Variants in CELF4 observed in about 807,000 individuals in gnomAD.
CELF4 encodes CUG-BP- and ETR-3-like factor 4.
Under a neutral mutation model 59.9 loss-of-function variants are expected in CELF4, and 18 were observed. The ratio of observed to expected loss-of-function variants is 0.30; its 90% CI spans 0.21 to 0.45. The LOEUF is 0.45. Among genes scored for constraint, CELF4 ranks in the 20% least tolerant of loss-of-function variants. The probability of loss-of-function intolerance (pLI) is 1.00; values close to 1 mark genes in which losing one functional copy is unlikely to be tolerated. For synonymous variants in CELF4, 261 were observed against 267.1 expected, an observed-to-expected ratio of 0.98 and a Z score of 0.22; for missense variants, 456 against 689.0, an observed-to-expected ratio of 0.66 and a Z score of 3.79.
intron 2 of CELF4, among the ~76,000 whole-genome samples, chr18:37,393,325 T>C (rs141052532): frequency 4.4e-4 from 67 of 152,310 alleles, no homozygotes; most frequent in African/African-American, 1.5e-3. Flanking sequence ...CTCAGAGCCA[T>C]GGAAACAGGG....
chr18:37,394,659 C>T (rs1214076808), intron 2 of CELF4, among the ~76,000 whole-genome samples: 1 of 152,206 alleles, frequency 6.6e-6, no homozygotes, highest in Non-Finnish European at 1.5e-5. Context: ...AGCCCCAGCA[C>T]CCCTCCACTC....
intron 1 of CELF4, among the ~76,000 whole-genome samples, chr18:37,547,421 C>A (rs896822327): frequency 2.0e-5 from 3 of 152,278 alleles, no homozygotes; most frequent in Admixed American, 6.5e-5. Context: ...GTTGCCACCC[C>A]CTGGAGGCTG....
At chr18:37,247,609 A>C (rs1179442073) in intron 12 of CELF4, 2 of 152,360 alleles carry the variant, frequency 1.3e-5, no homozygotes, top group Non-Finnish European at 2.9e-5. Flanking sequence ...GCAGACAAAC[A>C]TGGGCACATC....
chr18:37,275,317 G>A lies in CELF4; in HGVS notation c.449-74C>T, dbSNP rs889671324. On this transcript the variant is annotated intron_variant, in intron 3 of 12. Transcript: ENST00000420428. ...CGGGAGCAGGGCAAGGCCGGAGGGG[G>A]AGAGCGGCAGGGAAAGGGAGGAGCC... 8 of 1,487,478 alleles carry A rather than the reference G, an allele frequency of 5.4e-6. 1 individual carries two copies. The highest frequency in any genetic ancestry group is 4.3e-5 in the African/African-American group (3 of 70,132). The allele number at this position is 1,487,478 out of a possible 1,614,324, so 92.1% of individuals were successfully genotyped here.
rs754447395 is a variant in CELF4 at position 37,274,611 on chromosome 18, C to T, written c.658-157G>A. The T allele has an allele frequency of 2.0e-5, 31 of 1,523,350 alleles. 1 individual carries two copies. The East Asian group carries it at 4.3e-4, about 21-fold the overall frequency. The allele number at this position is 1,523,350 out of a possible 1,614,324, so 94.4% of individuals were successfully genotyped here. ...GGGGAATGAGGTGTGAACCCCACCGCGGGCATTTTCCACCTGGGTAACCTC... is the reference window on the plus strand; with the variant it reads ...GGGGAATGAGGTGTGAACCCCACCGTGGGCATTTTCCACCTGGGTAACCTC... On this transcript the variant is annotated intron_variant, in intron 5 of 12. Coordinates refer to ENST00000420428, the MANE Select transcript of CELF4 (RefSeq NM_020180.4).
chr18:37,446,747 C>A (rs1484812196), intron 2 of CELF4, among the ~76,000 whole-genome samples: 1 of 152,188 alleles, frequency 6.6e-6, no homozygotes, highest in Non-Finnish European at 1.5e-5. Context: ...CTCCCCTCAT[C>A]CCTCACTGTC....
intron 2 of CELF4, among the ~76,000 whole-genome samples, chr18:37,436,320 A>G (rs890986963): frequency 1.3e-5 from 2 of 152,220 alleles, no homozygotes; most frequent in Non-Finnish European, 2.9e-5. Context: ...CAGCATCTGC[A>G]GGCACACCGG....
chr18:37,558,708 C>A (rs1251235733), intron 1 of CELF4, among the ~76,000 whole-genome samples: 2 of 151,630 alleles, frequency 1.3e-5, no homozygotes, highest in Non-Finnish European at 2.9e-5. Context: ...TATAGAGAGC[C>A]CAAAAGGAGG....
intron 2 of CELF4, among the ~76,000 whole-genome samples, chr18:37,369,835 C>T (rs1251334647): frequency 6.6e-6 from 1 of 152,236 alleles, no homozygotes. Flanking sequence ...TGTGCCCAGC[C>T]AGCACAACAG....
chr18:37,265,775 C>T (rs1257893324), intron 9 of CELF4, among the ~76,000 whole-genome samples: 1 of 152,184 alleles, frequency 6.6e-6, no homozygotes. Context: ...CCTCAGTCCC[C>T]TCACCCCTTG....
intron 2 of CELF4, among the ~76,000 whole-genome samples, chr18:37,404,766 G>A (rs1373104396): frequency 2.6e-5 from 4 of 152,190 alleles, no homozygotes; most frequent in Admixed American, 6.5e-5. Context: ...TGCCCTAACA[G>A]TGAGGTCCAA....
intron 2 of CELF4, among the ~76,000 whole-genome samples, chr18:37,399,399 C>T (rs2099292956): frequency 6.6e-6 from 1 of 152,144 alleles, no homozygotes; most frequent in Non-Finnish European, 1.5e-5. Flanking sequence ...TAAGAAAGCC[C>T]TCAACAGATG....
intron 2 of CELF4, among the ~76,000 whole-genome samples, chr18:37,399,897 C>T (rs1240944831): frequency 1.3e-5 from 2 of 152,122 alleles, no homozygotes; most frequent in Non-Finnish European, 1.5e-5. Context: ...CTTGATGTTT[C>T]GCTTCTCACC....
At chr18:37,428,972 G>A (rs866611427) in intron 2 of CELF4, among the ~76,000 whole-genome samples, 1 of 152,228 alleles carries the variant, frequency 6.6e-6, no homozygotes, top group African/African-American at 2.4e-5. Flanking sequence ...TGGGCACCCA[G>A]GATCTAGAGT....
chr18:37,555,195 C>T (rs932393763), intron 1 of CELF4, among the ~76,000 whole-genome samples: 2 of 152,172 alleles, frequency 1.3e-5, no homozygotes, highest in Non-Finnish European at 2.9e-5. Context: ...CTTCACACAG[C>T]GGGGGCAAGC....
chr18:37,405,958 C>A (rs1184938698), intron 2 of CELF4, among the ~76,000 whole-genome samples: 3 of 152,146 alleles, frequency 2.0e-5, no homozygotes, highest in African/African-American at 7.2e-5. Context: ...ACATGCATAA[C>A]ACCCCCACGC....
At chr18:37,473,930 C>T (rs1351339037) in intron 2 of CELF4, 1 of 152,262 alleles carries the variant, frequency 6.6e-6, no homozygotes, top group Admixed American at 6.5e-5. Context: ...TGACATAGCT[C>T]TGGCCAATGA....
chr18:37,480,116 AC>A (rs2099862283), intron 2 of CELF4, among the ~76,000 whole-genome samples: 2 of 152,160 alleles, frequency 1.3e-5, no homozygotes, highest in African/African-American at 4.8e-5. Context: ...TGTTTAAGCC[AC>A]CCAATTTGTG....
In CELF4 at chr18:37,552,467, C is replaced by T. The variant is rs146718262; in HGVS notation, c.286+12889G>A. On this transcript the variant is annotated intron_variant, in intron 1 of 12. Transcript: ENST00000420428. Reference sequence around the variant, plus strand: ...GGGGTGGTGGCATCCCAGAAGTCAACGGCAGTTGGTTCAGTGACTCCCCAA... The same window carrying T: ...GGGGTGGTGGCATCCCAGAAGTCAATGGCAGTTGGTTCAGTGACTCCCCAA... 4.2e-4 allele frequency among the ~76,000 whole-genome samples: 64 copies of T among 152,310 alleles called. No individual in the cohort carries two copies. The East Asian group carries it at 5.2e-3, about 12-fold the overall frequency.
Sources: gnomAD v4.1 joint callset for allele counts (sites outside exome capture counted in the v4.1 genomes callset) on GRCh38, gnomAD v4.1.1 for gene constraint, MANE v1.5 for transcripts, NCBI Gene and HGNC (gene_info 2026-07-23, HGNC 2026-07-21) for gene names.